Variants in KLHL1 observed in about 807,000 individuals in gnomAD.
KLHL1 encodes the protein kelch-like protein 1.
Under a neutral mutation model 77.7 loss-of-function variants are expected in KLHL1, and 47 were observed. The ratio of observed to expected loss-of-function variants is 0.60; its 90% CI spans 0.48 to 0.77. The LOEUF (loss-of-function observed/expected upper bound fraction) is 0.77. KLHL1 is among the 30% of genes least tolerant of loss of function. The pLI is 0.00. For missense variants in KLHL1, 925 were observed against 910.8 expected, an observed-to-expected ratio of 1.02 and a Z score of -0.20; for synonymous variants, 360 against 325.2, an observed-to-expected ratio of 1.11 and a Z score of -1.15.
In KLHL1 at chr13:69,871,083, T is replaced by C. The variant is rs574699278; in HGVS notation, c.1227+11200A>G. Among the ~76,000 whole-genome samples the C allele has an allele frequency of 2.7e-3, 406 of 152,270 alleles. 3 individuals carry two copies. The highest frequency in any genetic ancestry group is 4.6e-3 in the Non-Finnish European group (315 of 68,012). On this transcript the variant is annotated intron_variant, in intron 5 of 10. Transcript: ENST00000377844. ...CTCCCAGGCTTTCTGATACATCCTC[T>C]GAAATCTAGGTGGAAGCTGCCAAGC...
At chr13:69,913,513 C>T (rs1327837405) in intron 4 of KLHL1, among the ~76,000 whole-genome samples, 6 of 152,218 alleles carry the variant, frequency 3.9e-5, no homozygotes, top group African/African-American at 1.4e-4. Flanking sequence ...GAACCTGCTG[C>T]TTCCTTCAGT....
At chr13:69,995,224 G>C (rs1866731344) in intron 1 of KLHL1, among the ~76,000 whole-genome samples, 1 of 152,022 alleles carries the variant, frequency 6.6e-6, no homozygotes, top group South Asian at 2.1e-4. Context: ...TTACTATCTG[G>C]TATTTTACCC....
At chr13:69,719,207 TGTGAGAGA>T (rs1872919824) in intron 9 of KLHL1, among the ~76,000 whole-genome samples, 154 bp downstream of exon 9, 2 of 13,072 alleles carry the variant, frequency 1.5e-4, no homozygotes, top group Non-Finnish European at 8.7e-4. Context: ...TGTGTGTGTG[TGTGAGAGA>T]GAGAGAGAGA....
At chr13:69,915,586 A>G (rs1699841680) in intron 4 of KLHL1, among the ~76,000 whole-genome samples, 1 of 152,228 alleles carries the variant, frequency 6.6e-6, no homozygotes, top group African/African-American at 2.4e-5. Flanking sequence ...TTATACAAAA[A>G]TTAATTCAAG....
At chr13:69,768,574 A>T (rs1022639440) in intron 7 of KLHL1, among the ~76,000 whole-genome samples, 7 of 152,174 alleles carry the variant, frequency 4.6e-5, no homozygotes, top group Admixed American at 1.3e-4. Flanking sequence ...AAATTAAAAG[A>T]TAAAACATTG....
intron 1 of KLHL1, among the ~76,000 whole-genome samples, chr13:70,049,649 T>C (rs1482244049): frequency 6.6e-6 from 1 of 152,206 alleles, no homozygotes; most frequent in Admixed American, 6.5e-5. Flanking sequence ...TGATGCATTT[T>C]AATATACAGT....
At chr13:69,951,300 T>G (rs1276136051) in intron 3 of KLHL1, among the ~76,000 whole-genome samples, 1 of 151,518 alleles carries the variant, frequency 6.6e-6, no homozygotes, top group African/African-American at 2.4e-5. Context: ...ACTTGGCTTA[T>G]GCAAGTGGCT....
chr13:70,023,108 C>T (rs543981845), intron 1 of KLHL1, among the ~76,000 whole-genome samples: 2 of 151,906 alleles, frequency 1.3e-5, no homozygotes, highest in South Asian at 2.1e-4. Context: ...ATGAATATAC[C>T]TTTCTTTATG....
chr13:70,061,793 T>C (rs922646712), intron 1 of KLHL1, among the ~76,000 whole-genome samples: 1 of 152,208 alleles, frequency 6.6e-6, no homozygotes, highest in Non-Finnish European at 1.5e-5. Flanking sequence ...TTGGCTTATC[T>C]TTTTTACCTT....
intron 7 of KLHL1, among the ~76,000 whole-genome samples, chr13:69,779,352 T>C (rs1230719390): frequency 5.7e-5 from 8 of 139,574 alleles, no homozygotes; most frequent in Admixed American, 2.1e-4. Context: ...TTCCCTCCTC[T>C]TTTTTCCTTT....
intron 1 of KLHL1, among the ~76,000 whole-genome samples, chr13:70,080,961 T>C (rs536974736): frequency 9.8e-5 from 15 of 152,314 alleles, no homozygotes; most frequent in Non-Finnish European, 2.9e-5. Flanking sequence ...TTAAATTCCT[T>C]TAAATCCAGC....
rs1879148285 is a variant in KLHL1 at position 69,839,246 on chromosome 13, C to A, written c.1228-84G>T. On this transcript the variant is annotated intron_variant, in intron 5 of 10. Coordinates refer to ENST00000377844, the MANE Select transcript of KLHL1 (RefSeq NM_020866.3). Reference sequence around the variant, plus strand: ...TTCCTTAAAACTAGAAGTTTAATGTCTGTGATATTATCCTTATATTGAGCA... The same window carrying A: ...TTCCTTAAAACTAGAAGTTTAATGTATGTGATATTATCCTTATATTGAGCA... 4 of 929,082 alleles carry A rather than the reference C, an allele frequency of 4.3e-6. No homozygotes were observed. In the South Asian group the frequency reaches 7.7e-5, roughly 18 times the overall value. The allele number at this position is 929,082 out of a possible 1,614,324, so 57.6% of individuals were successfully genotyped here. A position where few individuals can be genotyped will look rare whatever the true frequency, so the allele number is the denominator to read the frequency against.
intron 7 of KLHL1, among the ~76,000 whole-genome samples, chr13:69,770,518 G>A (rs1477798360): frequency 2.0e-5 from 3 of 151,988 alleles, no homozygotes; most frequent in Non-Finnish European, 2.9e-5. Context: ...AAATTTTTTT[G>A]TTGAAAAATG....
At chr13:69,818,231 T>C (rs545949144) in intron 6 of KLHL1, among the ~76,000 whole-genome samples, 5 of 142,630 alleles carry the variant, frequency 3.5e-5, no homozygotes, top group Admixed American at 2.7e-4. Context: ...TTTTTTTTTT[T>C]TTTTTTTTGA....
chr13:69,751,112 ATGTGTGTGTGTG>A (rs56689981), intron 7 of KLHL1, among the ~76,000 whole-genome samples: 15 of 141,170 alleles, frequency 1.1e-4, no homozygotes, highest in South Asian at 4.6e-4. Flanking sequence ...TCATGTGTGT[ATGTGTGTGTGTG>A]TGTGTGTGTG....
intron 2 of KLHL1, among the ~76,000 whole-genome samples, chr13:69,965,258 C>T (rs930476765): frequency 6.6e-6 from 1 of 152,172 alleles, no homozygotes; most frequent in African/African-American, 2.4e-5. Flanking sequence ...AGTTTTCCAA[C>T]AGCATGGGCT....
intron 2 of KLHL1, among the ~76,000 whole-genome samples, chr13:69,971,567 A>C (rs758350836): frequency 1.3e-5 from 2 of 151,994 alleles, no homozygotes; most frequent in Admixed American, 6.6e-5. Context: ...TAGTATCTCT[A>C]CTTAAAATAG....
intron 1 of KLHL1, among the ~76,000 whole-genome samples, chr13:70,050,157 A>C (rs1181188263): frequency 1.3e-5 from 2 of 151,894 alleles, no homozygotes; most frequent in Admixed American, 6.6e-5. Flanking sequence ...TCATATTAGT[A>C]ATTTAATTCA....
At chr13:69,723,818 T>C (rs1873171429) in intron 8 of KLHL1, among the ~76,000 whole-genome samples, 1 of 150,810 alleles carries the variant, frequency 6.6e-6, no homozygotes, top group Non-Finnish European at 1.5e-5. Flanking sequence ...ATAATAACTC[T>C]TTCAGCCAGT....
Sources: gnomAD v4.1 joint callset for allele counts (sites outside exome capture counted in the v4.1 genomes callset) on GRCh38, gnomAD v4.1.1 for gene constraint, MANE v1.5 for transcripts, NCBI Gene and HGNC (gene_info 2026-07-23, HGNC 2026-07-21) for gene names.